The following NLRC5 variants were observed in gnomAD, a reference collection of about 807,000 sequenced individuals.
NLRC5 encodes the protein protein NLRC5.
Under a neutral mutation model 206.9 loss-of-function variants are expected in NLRC5, and 114 were observed. The ratio of observed to expected loss-of-function variants is 0.55; its 90% CI spans 0.47 to 0.64. NLRC5 has a LOEUF of 0.64. Ranked by LOEUF, NLRC5 falls within the 30% of genes least tolerant of loss-of-function variation. NLRC5 has a pLI of 0.00. For synonymous variants in NLRC5, 952 were observed against 962.8 expected (o/e 0.99, Z 0.21); for missense variants, 2,008 against 2,305.5 (o/e 0.87, Z 2.64).
chr16:57,013,497 T>G, intron 1 of NLRC5: 1 of 763,796 alleles, frequency 1.3e-6, no homozygotes. Flanking sequence ...TGAGCACAGA[T>G]TCCATTGGCT....
intron 1 of NLRC5, chr16:56,991,195 A>G (rs778380311): frequency 3.3e-5 from 5 of 152,072 alleles, no homozygotes; most frequent in Non-Finnish European, 7.3e-5. Flanking sequence ...AAGAAGACAG[A>G]CAAGCAGAGG....
chr16:57,033,736 G>A, intron 12 of NLRC5, 67 bp downstream of exon 12: 2 of 1,450,650 alleles, frequency 1.4e-6, no homozygotes, highest in Non-Finnish European at 1.9e-6. Flanking sequence ...AGGCAAGGGA[G>A]AGCAGGGGCA....
chr16:57,061,888 T>A (rs1335920149), intron 32 of NLRC5, 187 bp downstream of exon 32: 3 of 1,534,758 alleles, frequency 2.0e-6, no homozygotes, highest in Non-Finnish European at 2.6e-6. Flanking sequence ...AGAGAAACTG[T>A]CCTTCCCCAC....
intron 1 of NLRC5, among the ~76,000 whole-genome samples, chr16:56,990,043 G>A (rs887924581): frequency 6.6e-6 from 1 of 152,120 alleles, no homozygotes; most frequent in African/African-American, 2.4e-5. Flanking sequence ...TAGACTTTTT[G>A]GCCTAAACAA....
chr16:57,071,868 G>A (rs933217974), intron 38 of NLRC5, among the ~76,000 whole-genome samples: 1 of 151,954 alleles, frequency 6.6e-6, no homozygotes, highest in Non-Finnish European at 1.5e-5. Context: ...GCTTAGTGCT[G>A]CATGGTCAGT....
chr16:57,037,123 G>T, intron 14 of NLRC5, 72 bp from the exon 15 acceptor site: 1 of 1,234,670 alleles, frequency 8.1e-7, no homozygotes. Context: ...GAGCCACAGG[G>T]AGGGGCTAGA....
chr16:57,074,353 G>A (rs2068103573), intron 38 of NLRC5: 3 of 377,220 alleles, frequency 8.0e-6, no homozygotes, highest in Non-Finnish European at 1.0e-5. Context: ...CCATTATTAC[G>A]GATCATTAGT....
intron 1 of NLRC5, among the ~76,000 whole-genome samples, chr16:56,993,590 G>A (rs1262664913): frequency 6.6e-6 from 1 of 152,128 alleles, no homozygotes; most frequent in Admixed American, 6.5e-5. Flanking sequence ...CCACCAGCTG[G>A]AGGGGGAGGG....
In NLRC5 at chr16:57,026,594, A is replaced by G. The variant is rs1158453022; in HGVS notation, c.1651A>G (p.Thr551Ala). 1.2e-6 allele frequency: 2 copies of G among 1,614,040 alleles called. No homozygotes were observed. Among genetic ancestry groups the G allele is most frequent in the African/African-American group, 1.3e-5 (1 of 74,906 alleles). Residue 551 changes from threonine to alanine, a missense_variant, in exon 6 of 49, where the codon ACC (threonine) becomes GCC (alanine). By Grantham distance (58) the Thr-to-Ala change is moderately conservative. Coordinates refer to ENST00000688547, the MANE Select transcript of NLRC5 (RefSeq NM_001384950.1). The part of the protein sequence containing the change: ...VTLHSRWVQR[T>A]KARLGLSDHL... ...CCTCCATTCCCGCTGGGTACAGCGG[A>G]CCAAAGCTAGACTGGGCCTCTCAGA...
At position 57,025,864 on chromosome 16, in the gene NLRC5, T is replaced by C; in HGVS notation, c.921T>C (p.Asp307=). The C allele has an allele frequency of 6.2e-7, 1 of 1,614,266 alleles. No individual in the cohort carries two copies. Among genetic ancestry groups the C allele is most frequent in the Middle Eastern group, 1.6e-4 (1 of 6,062 alleles). Residue 307 remains aspartate, a synonymous_variant, in exon 6 of 49, where the codon GAT becomes GAC. Coordinates refer to ENST00000688547, the MANE Select transcript of NLRC5 (RefSeq NM_001384950.1). ...CTGACCAAGTCCTGCTGATCTTTGA[T>C]GGGCTAGATGAGGCCCTCCAGCCTA... ...KNADQVLLIF[D]GLDEALQPMG...
intron 28 of NLRC5, 197 bp downstream of exon 28, chr16:57,058,345 G>A: frequency 1.7e-6 from 1 of 576,336 alleles, no homozygotes; most frequent in Non-Finnish European, 3.1e-6. Context: ...CCCACCATGG[G>A]CAGATCCTCC....
At chr16:57,005,876 C>T (rs560955408) in intron 1 of NLRC5, among the ~76,000 whole-genome samples, 1 of 151,764 alleles carries the variant, frequency 6.6e-6, no homozygotes, top group East Asian at 2.0e-4. Context: ...GCCACGACCA[C>T]ACCACTGCAC....
At chr16:57,007,735 A>C (rs2059076424) in intron 1 of NLRC5, among the ~76,000 whole-genome samples, 1 of 151,966 alleles carries the variant, frequency 6.6e-6, no homozygotes, top group African/African-American at 2.4e-5. Context: ...TCTCAAAAAA[A>C]AATTTTTAAA....
intron 37 of NLRC5, among the ~76,000 whole-genome samples, 167 bp from the exon 38 acceptor site, chr16:57,070,368 G>A (rs539337130): frequency 2.0e-5 from 3 of 152,286 alleles, no homozygotes; most frequent in Non-Finnish European, 4.4e-5. Context: ...CTGAGCCCTG[G>A]AGCTAGGGAT....
In NLRC5 at chr16:57,059,560, G is replaced by A. The variant is rs146644349; in HGVS notation, c.3986+28G>A. Reference sequence around the variant, plus strand: ...AATCCCTGCAGGGTGATGGGACAGGGGACAGAGAGGGGAGAGGAGGCTGAC... The same window carrying A: ...AATCCCTGCAGGGTGATGGGACAGGAGACAGAGAGGGGAGAGGAGGCTGAC... On this transcript the variant is annotated intron_variant, in intron 30 of 48. Coordinates refer to ENST00000688547, the MANE Select transcript of NLRC5 (RefSeq NM_001384950.1). 4,605 of 1,581,134 alleles carry A rather than the reference G, an allele frequency of 2.9e-3. 10 individuals are homozygous for A. The highest frequency in any genetic ancestry group is 3.8e-3 in the Non-Finnish European group (4,357 of 1,160,086).
In NLRC5 at chr16:57,041,573, G is replaced by A. The variant is rs755193749; in HGVS notation, c.3028G>A (p.Asp1010Asn). Residue 1010 changes from aspartate (D) to asparagine (N), a missense_variant and splice_region_variant, in exon 18 of 49, where the codon GAC becomes AAC. Asp to Asn is a conservative substitution (Grantham distance 23). Coordinates refer to ENST00000688547, the MANE Select transcript of NLRC5 (RefSeq NM_001384950.1). ...CTGCCACCTCGGTCACCTCCACCTCGAGTGAGTGGTTTGTGTGTTGGAAGG... is the reference window on the plus strand; with the variant it reads ...CTGCCACCTCGGTCACCTCCACCTCAAGTGAGTGGTTTGTGTGTTGGAAGG... ...GSCHLGHLHL[D>N]FSGNALGDEG... The A allele has an allele frequency of 1.4e-5, 23 of 1,613,668 alleles. No individual in the cohort carries two copies. The highest frequency in any genetic ancestry group is 2.7e-5 in the African/African-American group (2 of 74,888).
chr16:56,996,034 C>T (rs1489470552), intron 1 of NLRC5, among the ~76,000 whole-genome samples: 5 of 152,166 alleles, frequency 3.3e-5, no homozygotes, highest in Admixed American at 6.5e-5. Flanking sequence ...CAGGTGCTAA[C>T]GCATCTGTAA....
rs1287299825 is a variant in NLRC5 at position 57,026,159 on chromosome 16, C to T, written c.1216C>T (p.Pro406Ser). 1.2e-6 allele frequency: 2 copies of T among 1,613,910 alleles called. No individual in the cohort carries two copies. The highest frequency in any genetic ancestry group is 1.7e-5 in the Admixed American group (1 of 60,030). The change falls in exon 6 of 49, where the codon CCC becomes TCC. Residue 406 changes from proline to serine, a missense_variant. By Grantham distance (74) the Pro-to-Ser change is moderately conservative. Coordinates refer to ENST00000688547, the MANE Select transcript of NLRC5 (RefSeq NM_001384950.1). ...NGRLRSLCAV[P>S]ALCQVACLCL... ...ACGTCTCCGAAGCCTGTGTGCGGTG[C>T]CCGCACTGTGCCAAGTCGCCTGTCT...
At position 57,028,055 on chromosome 16, in the gene NLRC5, G is replaced by A. The variant is rs763795181; in HGVS notation, c.2076-17G>A. The A allele has an allele frequency of 1.5e-5, 24 of 1,602,956 alleles. No individual in the cohort carries two copies. The highest frequency in any genetic ancestry group is 6.7e-5 in the East Asian group (3 of 44,738). On this transcript the variant is annotated splice_polypyrimidine_tract_variant and intron_variant, in intron 6 of 48. Transcript: ENST00000688547. ...CCCAGCACTGATCCTCTGACACTTC[G>A]CTTCTTCTTATGGCAGCTTTAAGAG...
Sources: allele counts gnomAD v4.1 joint callset (sites outside exome capture counted in the v4.1 genomes callset), GRCh38; gene constraint gnomAD v4.1.1; transcripts MANE v1.5; gene names NCBI Gene and HGNC (gene_info 2026-07-23, HGNC 2026-07-21).